HYAL4: variants seen among roughly 807,000 people sequenced by gnomAD.
HYAL4 encodes hyaluronidase-4.
In HYAL4, 37 loss-of-function variants were observed where a neutral mutation model predicts 35.2. The observed-to-expected ratio is 1.05, with a 90% CI of 0.81 to 1.38. HYAL4 has a LOEUF of 1.38. Ranked by LOEUF, HYAL4 falls within the 40% of genes most tolerant of loss-of-function variation. The pLI is 0.00. For missense variants in HYAL4, 572 were observed against 572.4 expected, an observed-to-expected ratio of 1.00 and a Z score of 0.01; for synonymous variants, 198 against 203.2, an observed-to-expected ratio of 0.97 and a Z score of 0.22.
At chr7:123,805,210 T>C in the HYAL4 span, among the ~76,000 whole-genome samples, 1 of 152,240 alleles carries the variant, frequency 6.6e-6, no homozygotes, top group African/African-American at 2.4e-5. Context: ...TCAATTATGC[T>C]AGTGAGTAGA....
the HYAL4 span, among the ~76,000 whole-genome samples, chr7:123,795,466 CAT>C: frequency 6.6e-6 from 1 of 152,160 alleles, no homozygotes; most frequent in Non-Finnish European, 1.5e-5. Context: ...CCATAATCCT[CAT>C]GTGTCATGGG....
At chr7:123,784,454 G>A in the HYAL4 span, among the ~76,000 whole-genome samples, 1 of 152,180 alleles carries the variant, frequency 6.6e-6, no homozygotes, top group Non-Finnish European at 1.5e-5. Flanking sequence ...AAGTTTAGAG[G>A]CTTCACAGCT....
At chr7:123,770,783 C>CA in the HYAL4 span, among the ~76,000 whole-genome samples, 8,023 of 143,748 alleles carry the variant, frequency 0.056, 418 homozygotes, top group African/African-American at 0.14. Context: ...AGTAATTTAT[C>CA]AAAAAAAAAA....
In HYAL4 at chr7:123,877,058, A is replaced by G; in HGVS notation, c.1349A>G (p.Lys450Arg). 6.2e-7 allele frequency: 1 copy of G among 1,614,254 alleles called. No individual in the cohort carries two copies. Among genetic ancestry groups the G allele is most frequent in the South Asian group, 1.1e-5 (1 of 91,086 alleles). ...GAAGGAGCTGATTGCAGAGAAATAA[A>G]GACGGCTGATGGCTGCTCTGGGGTT... ...GYEGADCREI[K>R]TADGCSGVSP... Residue 450 changes from lysine (K) to arginine (R), a missense_variant, in exon 5 of 5, where the codon AAG becomes AGG. Physicochemically the swap from Lys to Arg is conservative, Grantham distance 26. Coordinates refer to ENST00000223026, the MANE Select transcript of HYAL4 (RefSeq NM_012269.3).
chr7:123,820,975 T>C, the HYAL4 span, among the ~76,000 whole-genome samples: 3 of 152,150 alleles, frequency 2.0e-5, no homozygotes, highest in African/African-American at 7.2e-5. Flanking sequence ...ATAAATGACA[T>C]TATTTCCTTC....
the HYAL4 span, among the ~76,000 whole-genome samples, chr7:123,812,899 G>A: frequency 6.6e-6 from 1 of 152,110 alleles, no homozygotes. Flanking sequence ...TGATAGCTTA[G>A]AGATTCATCT....
the HYAL4 span, among the ~76,000 whole-genome samples, chr7:123,798,850 G>A: frequency 6.6e-6 from 1 of 152,204 alleles, no homozygotes; most frequent in East Asian, 1.9e-4. Context: ...CTGAGTGACT[G>A]TGTGGAACAT....
intron 3 of HYAL4, among the ~76,000 whole-genome samples, chr7:123,872,143 C>G (rs372680596): frequency 6.6e-6 from 1 of 152,054 alleles, no homozygotes; most frequent in African/African-American, 2.4e-5. Context: ...CATTTCTTAT[C>G]CCTCACTCTC....
upstream of HYAL4, among the ~76,000 whole-genome samples, chr7:123,841,588 T>G (rs992890970): frequency 6.6e-6 from 1 of 152,074 alleles, no homozygotes; most frequent in African/African-American, 2.4e-5. Context: ...TCTTAGTACC[T>G]TTGGTAGAAT....
At chr7:123,789,630 A>T in the HYAL4 span, among the ~76,000 whole-genome samples, 1 of 152,216 alleles carries the variant, frequency 6.6e-6, no homozygotes, top group African/African-American at 2.4e-5. Context: ...AAATATATTG[A>T]GAGTAAAATA....
At chr7:123,767,878 G>A in the HYAL4 span, among the ~76,000 whole-genome samples, 1 of 152,098 alleles carries the variant, frequency 6.6e-6, no homozygotes, top group South Asian at 2.1e-4. Context: ...CACAAAGTAG[G>A]GTTGCCAGAT....
At chr7:123,831,921 T>G (rs1461321310) in intron 1 of HYAL4, among the ~76,000 whole-genome samples, 1 of 151,974 alleles carries the variant, frequency 6.6e-6, no homozygotes, top group Non-Finnish European at 1.5e-5. Flanking sequence ...GGAAAAGGAG[T>G]GTAATTCTTT....
At chr7:123,853,349 G>T (rs866755464) in intron 2 of HYAL4, among the ~76,000 whole-genome samples, 3 of 152,288 alleles carry the variant, frequency 2.0e-5, no homozygotes, top group African/African-American at 7.2e-5. Context: ...TGCCCATTCA[G>T]TATGATATTG....
At chr7:123,857,669 G>GTTTCTTTCTTTGTTTC (rs1806478263) in intron 2 of HYAL4, among the ~76,000 whole-genome samples, 59 of 124,728 alleles carry the variant, frequency 4.7e-4, no homozygotes, top group African/African-American at 1.4e-3. Context: ...TTCTTTGTTT[G>GTTTCTTTCTTTGTTTC]TTTCTTTCTT....
chr7:123,838,894 T>A (rs969640188), intron 1 of HYAL4, among the ~76,000 whole-genome samples: 7 of 152,066 alleles, frequency 4.6e-5, no homozygotes, highest in Non-Finnish European at 1.0e-4. Flanking sequence ...TGAAGTTATT[T>A]CTTCTGCTTG....
the HYAL4 span, among the ~76,000 whole-genome samples, chr7:123,786,504 C>G: frequency 6.6e-6 from 1 of 151,470 alleles, no homozygotes; most frequent in Non-Finnish European, 1.5e-5. Flanking sequence ...GATTCTAGAA[C>G]ATCAGCTTTA....
At chr7:123,790,883 G>A in the HYAL4 span, among the ~76,000 whole-genome samples, 1 of 151,812 alleles carries the variant, frequency 6.6e-6, no homozygotes, top group African/African-American at 2.4e-5. Context: ...TCCTGCCTCA[G>A]CCTCCCAAGT....
the HYAL4 span, among the ~76,000 whole-genome samples, chr7:123,801,062 C>T: frequency 2.0e-5 from 3 of 152,068 alleles, no homozygotes; most frequent in Non-Finnish European, 2.9e-5. Context: ...CTTCTGTAAT[C>T]CCAGCAATTT....
intron 1 of HYAL4, among the ~76,000 whole-genome samples, chr7:123,838,543 A>T (rs1366732955): frequency 1.3e-5 from 2 of 151,630 alleles, no homozygotes; most frequent in Admixed American, 6.6e-5. Context: ...ATAATAAATG[A>T]TGTCATAAAC....
Sources: gnomAD v4.1 joint callset for allele counts (sites outside exome capture counted in the v4.1 genomes callset) on GRCh38, gnomAD v4.1.1 for gene constraint, MANE v1.5 for transcripts, NCBI Gene and HGNC (gene_info 2026-07-23, HGNC 2026-07-21) for gene names.